Variants in CDK14 observed in about 807,000 individuals in gnomAD.
CDK14 encodes the protein cyclin dependent kinase 14.
CDK14 carries 34 observed loss-of-function variants against 60.7 expected under a neutral mutation model. That is an observed-to-expected ratio of 0.56 (90% CI 0.43 to 0.75). The LOEUF (loss-of-function observed/expected upper bound fraction) is 0.75. CDK14 is among the 30% of genes least tolerant of loss of function. The probability of loss-of-function intolerance (pLI) is 0.00; values close to 1 mark genes in which losing one functional copy is unlikely to be tolerated. For missense variants in CDK14, 482 were observed against 564.1 expected, an observed-to-expected ratio of 0.85 and a Z score of 1.47; for synonymous variants, 197 against 203.7, an observed-to-expected ratio of 0.97 and a Z score of 0.28.
intron 14 of CDK14, among the ~76,000 whole-genome samples, chr7:91,172,753 A>T (rs1257252804): frequency 6.6e-6 from 1 of 152,148 alleles, no homozygotes; most frequent in Non-Finnish European, 1.5e-5. Flanking sequence ...GTCCTTCCTT[A>T]TTCTCTTAGA....
At chr7:91,005,610 G>T (rs1170254373) in intron 10 of CDK14, among the ~76,000 whole-genome samples, 1 of 152,208 alleles carries the variant, frequency 6.6e-6, no homozygotes, top group Non-Finnish European at 1.5e-5. Context: ...ATAGCTCCTA[G>T]TCCAAGCAAG....
intron 11 of CDK14, among the ~76,000 whole-genome samples, chr7:91,062,153 T>C (rs1050267580): frequency 1.3e-5 from 2 of 152,114 alleles, no homozygotes; most frequent in Non-Finnish European, 2.9e-5. Context: ...TTCAGACTGC[T>C]GTGCTAGCAA....
At chr7:90,656,383 C>CTTT (rs5885737) in intron 2 of CDK14, among the ~76,000 whole-genome samples, 4 of 139,548 alleles carry the variant, frequency 2.9e-5, no homozygotes, top group Non-Finnish European at 6.1e-5. Context: ...TTCTTTCTTT[C>CTTT]TTTTTTTTTT....
chr7:91,048,907 C>T (rs945039471), intron 11 of CDK14, among the ~76,000 whole-genome samples: 8 of 151,894 alleles, frequency 5.3e-5, no homozygotes, highest in African/African-American at 1.5e-4. Context: ...TTATTTTTAG[C>T]GATGCTGCCC....
chr7:90,951,711 A>G (rs1403790503), intron 8 of CDK14, among the ~76,000 whole-genome samples: 1 of 152,258 alleles, frequency 6.6e-6, no homozygotes, highest in East Asian at 1.9e-4. Context: ...TACAGCTAAA[A>G]GAAAAGAACC....
chr7:90,788,923 G>A (rs1226373256), intron 4 of CDK14, among the ~76,000 whole-genome samples: 1 of 151,840 alleles, frequency 6.6e-6, no homozygotes, highest in Non-Finnish European at 1.5e-5. Context: ...TATAGTGTAG[G>A]TGAAGGAGGA....
At chr7:90,978,541 TATA>T (rs1795139129) in intron 9 of CDK14, among the ~76,000 whole-genome samples, 1 of 152,156 alleles carries the variant, frequency 6.6e-6, no homozygotes, top group South Asian at 2.1e-4. Context: ...CCAAGCATGA[TATA>T]ATGCTTCCCT....
At chr7:90,648,503 G>C (rs760725255) in intron 2 of CDK14, among the ~76,000 whole-genome samples, 17 of 152,118 alleles carry the variant, frequency 1.1e-4, no homozygotes, top group Non-Finnish European at 2.2e-4. Context: ...ACAGAAGAGT[G>C]AATACTAGGA....
Position 91,077,807 on chromosome 7 carries a change from A to C in CDK14, c.1106-1625A>C, listed in dbSNP as rs576241599. 2.0e-5 allele frequency among the ~76,000 whole-genome samples: 3 copies of C among 152,174 alleles called. No homozygotes were observed. In the South Asian group the frequency reaches 6.2e-4, roughly 32 times the overall value. On this transcript the variant is annotated intron_variant, in intron 11 of 14. Coordinates refer to ENST00000380050, the MANE Select transcript of CDK14 (RefSeq NM_001287135.2). ...ACTTGATCATATACAAAAAAATTCT[A>C]TAAACTGATTACCAAGAATCCAATA...
intron 14 of CDK14, among the ~76,000 whole-genome samples, chr7:91,179,344 G>C (rs1220326311): frequency 7.3e-6 from 1 of 137,198 alleles, no homozygotes; most frequent in Non-Finnish European, 1.5e-5. Flanking sequence ...TCACACTCTG[G>C]GGACTGTTGT....
At chr7:91,001,358 C>T (rs1795828548) in intron 10 of CDK14, among the ~76,000 whole-genome samples, 1 of 152,130 alleles carries the variant, frequency 6.6e-6, no homozygotes, top group African/African-American at 2.4e-5. Flanking sequence ...CTGCTACTGA[C>T]TCTCAGAATA....
intron 9 of CDK14, among the ~76,000 whole-genome samples, chr7:90,965,573 A>G (rs1368734744): frequency 6.6e-6 from 1 of 152,068 alleles, no homozygotes; most frequent in Non-Finnish European, 1.5e-5. Flanking sequence ...TTATAGCTCT[A>G]TTCGTAGTCA....
At chr7:91,003,334 C>T (rs1054758909) in intron 10 of CDK14, among the ~76,000 whole-genome samples, 19 of 152,108 alleles carry the variant, frequency 1.2e-4, no homozygotes, top group African/African-American at 3.9e-4. Flanking sequence ...TGGTCACTGT[C>T]GCAGTCTCCA....
chr7:90,983,828 A>G (rs1163259109), intron 9 of CDK14, among the ~76,000 whole-genome samples: 1 of 152,188 alleles, frequency 6.6e-6, no homozygotes, highest in Non-Finnish European at 1.5e-5. Flanking sequence ...AGGTACTCAC[A>G]ACATAAAAAG....
chr7:91,070,501 A>G (rs1315544372), intron 11 of CDK14, among the ~76,000 whole-genome samples: 2 of 152,212 alleles, frequency 1.3e-5, no homozygotes, highest in South Asian at 2.1e-4. Context: ...GCTCATGCCT[A>G]TAATTCCAGC....
At position 90,604,234 on chromosome 7, in the gene CDK14, C is replaced by A; in HGVS notation, c.108C>A (p.Asp36Glu). The A allele has an allele frequency of 6.5e-7, 1 of 1,541,230 alleles. No individual in the cohort carries two copies. The highest frequency in any genetic ancestry group is 1.2e-5 in the South Asian group (1 of 81,908). Residue 36 changes from aspartate (D) to glutamate (E), a missense_variant, in exon 2 of 15, where the codon GAC becomes GAA. Physicochemically the swap from Asp to Glu is conservative, Grantham distance 45. Transcript: ENST00000380050. Reference protein sequence around the residue: ...SFSRIALKKDDTTFDEICVTK... With the variant: ...SFSRIALKKDETTFDEICVTK... ...ATTTTATAGCTTTGAAGAAAGATGA[C>A]ACCACCTTTGATGAGGTAGGTTAAA...
At chr7:90,695,818 T>C (rs939066935) in intron 2 of CDK14, among the ~76,000 whole-genome samples, 3 of 151,556 alleles carry the variant, frequency 2.0e-5, no homozygotes, top group Non-Finnish European at 2.9e-5. Flanking sequence ...CAGGAAGGAG[T>C]TCATGGTGGC....
intron 8 of CDK14, among the ~76,000 whole-genome samples, chr7:90,938,925 G>A (rs983335238): frequency 1.3e-5 from 2 of 152,104 alleles, no homozygotes; most frequent in African/African-American, 4.8e-5. Flanking sequence ...TTGTGTCCAT[G>A]ATTTATTGTT....
intron 6 of CDK14, among the ~76,000 whole-genome samples, chr7:90,867,445 A>T (rs1454023719): frequency 6.6e-6 from 1 of 152,244 alleles, no homozygotes; most frequent in Non-Finnish European, 1.5e-5. Flanking sequence ...CATCAGTGAA[A>T]ATAAGAATGC....
Sources: gnomAD v4.1 joint callset for allele counts (sites outside exome capture counted in the v4.1 genomes callset) on GRCh38, gnomAD v4.1.1 for gene constraint, MANE v1.5 for transcripts, NCBI Gene and HGNC (gene_info 2026-07-23, HGNC 2026-07-21) for gene names.